The following SLC4A9 variants were observed in gnomAD, a reference collection of about 807,000 sequenced individuals.
The protein encoded by SLC4A9 is anion exchange protein 4.
Under a neutral mutation model 103.2 loss-of-function variants are expected in SLC4A9, and 102 were observed. The observed-to-expected ratio is 0.99, with a 90% CI of 0.84 to 1.17. The LOEUF (loss-of-function observed/expected upper bound fraction) is 1.17. Among genes scored for constraint, SLC4A9 ranks in the 50% most tolerant of loss-of-function variants. The pLI is 0.00. For synonymous variants in SLC4A9, 453 were observed against 483.6 expected (o/e 0.94, Z 0.83); for missense variants, 1,091 against 1,193.7 (o/e 0.91, Z 1.27).
Position 140,360,370 on chromosome 5 carries a change from G to A in SLC4A9, c.134G>A (p.Ser45Asn), listed in dbSNP as rs1264016522. The A allele has an allele frequency of 3.1e-6, 5 of 1,609,162 alleles. No individual in the cohort carries two copies. The highest frequency in any genetic ancestry group is 1.6e-4 in the Middle Eastern group (1 of 6,080). ...CCTGATGGCCCCTCAGACACAGAGA[G>A]CAAGGAACTGGGAGTACCCAAAGAC... ...PSPDGPSDTE[S>N]KELGVPKDPL... The change falls in exon 1 of 22, where the codon AGC (serine) becomes AAC (asparagine). Residue 45 changes from serine (S) to asparagine (N), a missense_variant. Coordinates refer to ENST00000506757, the MANE Select transcript of SLC4A9 (RefSeq NM_031467.3).
chr5:140,372,876 A>G, intron 21 of SLC4A9, 33 bp downstream of exon 21: 10 of 1,325,566 alleles, frequency 7.5e-6, no homozygotes, highest in Non-Finnish European at 1.0e-5. Flanking sequence ...CCTGATGTTG[A>G]GGATGGGAGG....
chr5:140,361,786 A>G, intron 3 of SLC4A9, 22 bp from the exon 4 acceptor site: 1 of 1,613,784 alleles, frequency 6.2e-7, no homozygotes, highest in Non-Finnish European at 8.5e-7. Context: ...GGTCTTAATC[A>G]CTGCATAATC....
rs1414959854 is a variant in SLC4A9 at position 140,363,451 on chromosome 5, A to G, written c.975A>G (p.Gln325=). 6.4e-7 allele frequency: 1 copy of G among 1,551,250 alleles called. No homozygotes were observed. Residue 325 remains glutamine (Q), a synonymous_variant, in exon 8 of 22, where the codon CAA becomes CAG. Coordinates refer to ENST00000506757, the MANE Select transcript of SLC4A9 (RefSeq NM_031467.3). The surrounding 1 kb of genome is among the most constrained non-coding windows in gnomAD (Gnocchi z 4.5). ...LPSQHKRLPS[Q]QREIRGPAVP... ...CCCTCCTCCTCAGGCTTCCCTCGCA[A>G]CAGCGGGAGATCAGAGGTCCCGCCG...
chr5:140,362,316 A>G, intron 5 of SLC4A9, 129 bp from the exon 6 acceptor site: 1 of 1,234,030 alleles, frequency 8.1e-7, no homozygotes, highest in Non-Finnish European at 1.2e-6. Flanking sequence ...AGTAGTGGTC[A>G]GGGCTGCATG....
At chr5:140,374,754 C>G (rs1197203772) in intron 21 of SLC4A9, 73 bp from the exon 22 acceptor site, 2 of 152,102 alleles carry the variant, frequency 1.3e-5, no homozygotes, top group Non-Finnish European at 2.9e-5. Context: ...TTTGGCCTCA[C>G]CATGTCTTCT....
In SLC4A9 at chr5:140,365,976, C is replaced by G; in HGVS notation, c.1853C>G (p.Ala618Gly). 1 of 1,614,032 alleles carries G rather than the reference C, an allele frequency of 6.2e-7. No homozygotes were observed. Among genetic ancestry groups the G allele is most frequent in the African/African-American group, 1.3e-5 (1 of 75,044 alleles). ...CTCTTCCTTACTTCTTTCTTCTTTG[C>G]TATGGCCCTCAAGTGTGTAAAGACC... Reference protein sequence around the residue: ...LLLFLTSFFFAMALKCVKTSR... With the variant: ...LLLFLTSFFFGMALKCVKTSR... Residue 618 changes from alanine to glycine, a missense_variant, in exon 13 of 22, where the codon GCT becomes GGT. Transcript: ENST00000506757.
At position 140,368,608 on chromosome 5, in the gene SLC4A9, G is replaced by A. The variant is rs941138799; in HGVS notation, c.2376G>A (p.Leu792=). The A allele has an allele frequency of 6.8e-6, 11 of 1,613,246 alleles. No individual in the cohort carries two copies. In the African/African-American group the frequency reaches 1.1e-4, roughly 16 times the overall value. ...LGIREQRLTG[L]VVFILTGASI... ...ACAGGGAACAGAGGCTGACAGGCCT[G>A]GTGGTGTTCATCCTTACAGGAGCCT... The change falls in exon 17 of 22, where the codon CTG becomes CTA. Residue 792 remains leucine, a synonymous_variant. Coordinates refer to ENST00000506757, the MANE Select transcript of SLC4A9 (RefSeq NM_031467.3).
At position 140,367,853 on chromosome 5, in the gene SLC4A9, G is replaced by A. The variant is rs1052777731; in HGVS notation, c.2309G>A (p.Ser770Asn). 2.9e-5 allele frequency: 47 copies of A among 1,613,860 alleles called. No homozygotes were observed. The highest frequency in any genetic ancestry group is 3.9e-5 in the Non-Finnish European group (46 of 1,179,878). ...LAHMDSLRRE[S>N]RACAPGERPN... ...CACATGGACAGTCTTCGGAGAGAGA[G>A]CAGAGCCTGTGCCCCCGGGGAGCGC... The change falls in exon 16 of 22, where the codon AGC becomes AAC. Residue 770 changes from serine (S) to asparagine (N), a missense_variant. By Grantham distance (46) the Ser-to-Asn change is conservative. Coordinates refer to ENST00000506757, the MANE Select transcript of SLC4A9 (RefSeq NM_031467.3).
rs1318255908 is a variant in SLC4A9, at chr5:140,363,482, C to A, written c.1006C>A (p.Arg336Ser). The A allele has an allele frequency of 6.4e-7, 1 of 1,551,336 alleles. No homozygotes were observed. Among genetic ancestry groups the A allele is most frequent in the Non-Finnish European group, 8.7e-7 (1 of 1,147,104 alleles). ...QREIRGPAVP[R>S]LTSAEDRHRH... is the part of the protein sequence containing the mutation. ...GGAGATCAGAGGTCCCGCCGTCCCG[C>A]GCCTGACCTCGGCTGAGGACAGGCA... Residue 336 changes from arginine (R) to serine (S), a missense_variant, in exon 8 of 22, where the codon CGC becomes AGC. Arg to Ser is a moderately radical substitution (Grantham distance 110, BLOSUM62 -1). Coordinates refer to ENST00000506757, the MANE Select transcript of SLC4A9 (RefSeq NM_031467.3). The surrounding 1 kb of genome is among the most constrained non-coding windows in gnomAD (Gnocchi z 4.5).
rs757536349 is a variant in SLC4A9 at position 140,363,798 on chromosome 5, C to T, written c.1150C>T (p.Leu384=). The T allele has an allele frequency of 3.1e-6, 5 of 1,613,814 alleles. No homozygotes were observed. In the Admixed American group the frequency reaches 6.7e-5, roughly 22 times the overall value. ...PWYPSDFLDA[L]HLQCFSAVLY... ...GTACCCCAGCGATTTCTTGGACGCC[C>T]TGCATCTCCAGTGCTTCTCGGCCGT... Residue 384 remains leucine, a synonymous_variant, in exon 9 of 22, where the codon CTG becomes TTG. Transcript: ENST00000506757. This position sits in a 1 kb window ranked among gnomAD's most constrained non-coding sequence, Gnocchi z 4.5.
rs543225584 is a variant in SLC4A9, at chr5:140,371,133, T to C, written c.2466T>C (p.Tyr822=). 2 of 1,612,424 alleles carry C rather than the reference T, an allele frequency of 1.2e-6. No individual in the cohort carries two copies. The highest frequency in any genetic ancestry group is 1.7e-4 in the Middle Eastern group (1 of 6,052). ...PMPVLYGIFL[Y]MGVAALSSIQ... ...CTGTGCTCTATGGCATCTTCCTGTA[T>C]ATGGGGGTGGCAGCGCTCAGCAGCA... is the stretch of plus-strand genomic sequence containing the variant. Residue 822 remains tyrosine (Y), a synonymous_variant, in exon 18 of 22, where the codon TAT becomes TAC. Coordinates refer to ENST00000506757, the MANE Select transcript of SLC4A9 (RefSeq NM_031467.3).
chr5:140,371,249 T>C, intron 18 of SLC4A9, 86 bp downstream of exon 18: 1 of 1,470,314 alleles, frequency 6.8e-7, no homozygotes, highest in Non-Finnish European at 9.3e-7. Flanking sequence ...GCAACCCTAC[T>C]CCTTTTTTCT....
chr5:140,368,710 G>T, intron 17 of SLC4A9, 51 bp downstream of exon 17: 1 of 1,506,826 alleles, frequency 6.6e-7, no homozygotes. Context: ...AATAATAGGA[G>T]CACAGCAAGA....
chr5:140,370,823 G>C (rs1768603218), intron 17 of SLC4A9: 1 of 461,396 alleles, frequency 2.2e-6, no homozygotes, highest in African/African-American at 1.9e-5. Context: ...TGATAGATAA[G>C]ATTGGAATGG....
intron 17 of SLC4A9, 53 bp from the exon 18 acceptor site, chr5:140,371,042 T>G: frequency 6.5e-7 from 1 of 1,539,536 alleles, no homozygotes; most frequent in Non-Finnish European, 8.9e-7. Flanking sequence ...TCCTGGGGCA[T>G]CTGGGAGGTT....
intron 3 of SLC4A9, 59 bp from the exon 4 acceptor site, chr5:140,361,749 C>G: frequency 6.3e-7 from 1 of 1,580,994 alleles, no homozygotes; most frequent in Non-Finnish European, 8.7e-7. Context: ...ATTAGGGAAT[C>G]CTGGTGGATC....
At chr5:140,370,191 C>CG (rs958057148) in intron 17 of SLC4A9, among the ~76,000 whole-genome samples, 17 of 150,890 alleles carry the variant, frequency 1.1e-4, no homozygotes, top group African/African-American at 3.9e-4. Context: ...AAGCCAGGCA[C>CG]GGTGGCTCAC....
chr5:140,362,431 G>A lies in SLC4A9; in HGVS notation c.720-14G>A. 1.9e-6 allele frequency: 3 copies of A among 1,612,958 alleles called. No individual in the cohort carries two copies. The highest frequency in any genetic ancestry group is 2.5e-6 in the Non-Finnish European group (3 of 1,178,938). ...AGCAGCCTGTGAATCTCTGGGGCCT[G>A]GTTCCTTCCTCAGGTTTTTCTGCCT... On this transcript the variant is annotated splice_polypyrimidine_tract_variant and intron_variant, in intron 5 of 21. Coordinates refer to ENST00000506757, the MANE Select transcript of SLC4A9 (RefSeq NM_031467.3).
In SLC4A9 at chr5:140,363,123, T is replaced by C; in HGVS notation, c.962+57T>C. 1 of 1,581,090 alleles carries C rather than the reference T, an allele frequency of 6.3e-7. No individual in the cohort carries two copies. Among genetic ancestry groups the C allele is most frequent in the Non-Finnish European group, 8.6e-7 (1 of 1,169,510 alleles). On this transcript the variant is annotated intron_variant, in intron 7 of 21. Coordinates refer to ENST00000506757, the MANE Select transcript of SLC4A9 (RefSeq NM_031467.3). The surrounding 1 kb of genome is among the most constrained non-coding windows in gnomAD (Gnocchi z 4.5). ...CTGCCCATATAGGCCCTGGGTCTAATTCCATTGTTGAGGAGGGGTGGTGTC... is the reference window on the plus strand; with the variant it reads ...CTGCCCATATAGGCCCTGGGTCTAACTCCATTGTTGAGGAGGGGTGGTGTC...
Sources: allele counts gnomAD v4.1 joint callset (sites outside exome capture counted in the v4.1 genomes callset), GRCh38; gene constraint gnomAD v4.1.1; non-coding constraint Gnocchi (gnomAD v3.1); transcripts MANE v1.5; gene names NCBI Gene and HGNC (gene_info 2026-07-23, HGNC 2026-07-21).